KCNK10: variants seen among roughly 807,000 people sequenced by gnomAD.
KCNK10 encodes potassium two pore domain channel subfamily K member 10.
In KCNK10, 25 loss-of-function variants were observed where a neutral mutation model predicts 47.7. The ratio of observed to expected loss-of-function variants is 0.52; its 90% CI spans 0.38 to 0.73. The LOEUF is 0.73. Among genes scored for constraint, KCNK10 ranks in the 30% least tolerant of loss-of-function variants. The pLI is 0.00. For synonymous variants in KCNK10, 303 were observed against 285.6 expected, an observed-to-expected ratio of 1.06 and a Z score of -0.61; for missense variants, 563 against 714.5, an observed-to-expected ratio of 0.79 and a Z score of 2.42.
intron 1 of KCNK10, among the ~76,000 whole-genome samples, chr14:88,316,037 A>T (rs1293703247): frequency 6.6e-6 from 1 of 152,158 alleles, no homozygotes; most frequent in Admixed American, 6.5e-5. Flanking sequence ...CTTCCATGGA[A>T]AGGGTAAGTG....
At chr14:88,252,789 G>T (rs1370806217) in intron 2 of KCNK10, among the ~76,000 whole-genome samples, 5 of 152,194 alleles carry the variant, frequency 3.3e-5, no homozygotes. Context: ...GCCTTGTCAT[G>T]CAGGCTCTCT....
At chr14:88,196,113 C>T (rs1350029144) in intron 4 of KCNK10, among the ~76,000 whole-genome samples, 1 of 152,214 alleles carries the variant, frequency 6.6e-6, no homozygotes, top group Admixed American at 6.5e-5. Context: ...ATTGGTTAGA[C>T]TAGAGCGCAT....
intron 3 of KCNK10, among the ~76,000 whole-genome samples, chr14:88,239,530 A>G (rs982085920): frequency 2.0e-5 from 3 of 152,216 alleles, no homozygotes; most frequent in African/African-American, 7.2e-5. Flanking sequence ...TAACGAATAG[A>G]ACACTAAAAT....
chr14:88,269,476 C>T (rs1203633647), intron 1 of KCNK10, among the ~76,000 whole-genome samples: 1 of 152,218 alleles, frequency 6.6e-6, no homozygotes, highest in Non-Finnish European at 1.5e-5. Context: ...CTTGCTCTGT[C>T]ACTCAGGCTG....
At chr14:88,276,673 G>A (rs1210100370) in intron 1 of KCNK10, among the ~76,000 whole-genome samples, 4 of 152,150 alleles carry the variant, frequency 2.6e-5, no homozygotes, top group Non-Finnish European at 5.9e-5. Context: ...GGAGCTACCT[G>A]GAAATATCCC....
chr14:88,227,282 C>A, intron 4 of KCNK10, 93 bp downstream of exon 4: 2 of 1,012,004 alleles, frequency 2.0e-6, no homozygotes, highest in African/African-American at 1.6e-5. Flanking sequence ...CCATTAAAAG[C>A]AGACAATGCC....
intron 3 of KCNK10, among the ~76,000 whole-genome samples, chr14:88,240,065 C>A (rs1326985439): frequency 6.6e-6 from 1 of 152,066 alleles, no homozygotes; most frequent in African/African-American, 2.4e-5. Context: ...TAGTCAAAAT[C>A]ATGCAGATGT....
At chr14:88,227,934 C>T (rs1886038745) in intron 3 of KCNK10, among the ~76,000 whole-genome samples, 1 of 152,192 alleles carries the variant, frequency 6.6e-6, no homozygotes, top group Non-Finnish European at 1.5e-5. Flanking sequence ...CACAGTCTTA[C>T]CCATGGGCTC....
intron 4 of KCNK10, among the ~76,000 whole-genome samples, chr14:88,193,594 A>T: frequency 6.6e-6 from 1 of 152,284 alleles, no homozygotes; most frequent in East Asian, 1.9e-4. Flanking sequence ...CGTACACCAC[A>T]TTTGGGGCAA....
At chr14:88,306,153 A>G (rs1330413562) in intron 1 of KCNK10, among the ~76,000 whole-genome samples, 1 of 152,248 alleles carries the variant, frequency 6.6e-6, no homozygotes, top group Non-Finnish European at 1.5e-5. Flanking sequence ...TGCTGCTGAA[A>G]GTCTTACATA....
chr14:88,270,012 G>T (rs1887363157), intron 1 of KCNK10, among the ~76,000 whole-genome samples: 1 of 152,128 alleles, frequency 6.6e-6, no homozygotes, highest in Admixed American at 6.5e-5. Flanking sequence ...ACAGCAGCGT[G>T]ACTCTGCTAC....
intron 1 of KCNK10, among the ~76,000 whole-genome samples, chr14:88,285,420 T>C (rs1345089298): frequency 6.6e-6 from 1 of 152,136 alleles, no homozygotes; most frequent in Non-Finnish European, 1.5e-5. Context: ...CCTGAATAAG[T>C]TTTATTTTAA....
chr14:88,250,086 T>C (rs770109675), intron 2 of KCNK10, among the ~76,000 whole-genome samples: 6 of 152,154 alleles, frequency 3.9e-5, no homozygotes, highest in Non-Finnish European at 7.3e-5. Flanking sequence ...ACAGGAGCAT[T>C]CACTTCTGGG....
intron 1 of KCNK10, among the ~76,000 whole-genome samples, chr14:88,293,779 G>A (rs1008309258): frequency 2.0e-5 from 3 of 151,822 alleles, no homozygotes; most frequent in Non-Finnish European, 2.9e-5. Flanking sequence ...GGGCTGAAGC[G>A]ATCCTCCTAC....
chr14:88,323,523 G>A (rs991602521), upstream of KCNK10: 2 of 150,638 alleles, frequency 1.3e-5, no homozygotes, highest in African/African-American at 4.9e-5. Flanking sequence ...CTGAGCCCCC[G>A]GCACCCGGCT....
chr14:88,312,277 A>G (rs2139801159), intron 1 of KCNK10, among the ~76,000 whole-genome samples: 1 of 152,250 alleles, frequency 6.6e-6, no homozygotes, highest in African/African-American at 2.4e-5. Flanking sequence ...CTTCCTGGAA[A>G]TCATTTTCTC....
In KCNK10 at chr14:88,185,271, C is replaced by A; in HGVS notation, c.*264G>T. ...GGGGTACAGCACTGCCACTGAAATG[C>A]CCTTAACATGTACGGCCAGAACCGG... is the stretch of plus-strand genomic sequence containing the variant. On this transcript the variant is annotated 3_prime_UTR_variant, in exon 7 of 7. Coordinates refer to ENST00000319231, the MANE Select transcript of KCNK10 (RefSeq NM_138317.3). This position sits in a 1 kb window ranked among gnomAD's most constrained non-coding sequence, Gnocchi z 4.3. The A allele has an allele frequency of 2.2e-6, 1 of 448,078 alleles. No individual in the cohort carries two copies. The highest frequency in any genetic ancestry group is 4.0e-6 in the Non-Finnish European group (1 of 249,954). The allele number at this position is 448,078 out of a possible 1,614,324, so 27.8% of individuals were successfully genotyped here. A position where few individuals can be genotyped will look rare whatever the true frequency, so the allele number is the denominator to read the frequency against.
rs770691779 is a variant in KCNK10, at chr14:88,227,376, C to T, written c.680G>A (p.Arg227Gln). Residue 227 changes from arginine to glutamine, a missense_variant and splice_region_variant, in exon 4 of 7, where the codon CGA becomes CAA. Arg to Gln is a conservative substitution (Grantham distance 43). Coordinates refer to ENST00000319231, the MANE Select transcript of KCNK10 (RefSeq NM_138317.3). ...ATTTAAATATGACACAGTACTCACT[C>T]GAAAGACCTTCTCCACTCTTGCAAT... ...KSIARVEKVFRKKQVSQTKIR... is the reference protein window; with the variant it reads ...KSIARVEKVFQKKQVSQTKIR... 18 of 1,607,532 alleles carry T rather than the reference C, an allele frequency of 1.1e-5. 1 individual carries two copies. In the South Asian group the frequency reaches 1.5e-4, roughly 13 times the overall value.
intron 4 of KCNK10, among the ~76,000 whole-genome samples, chr14:88,214,769 G>C (rs1361505774): frequency 1.3e-5 from 2 of 152,184 alleles, no homozygotes; most frequent in Non-Finnish European, 2.9e-5. Flanking sequence ...CACTGAGAGA[G>C]AGCATGAAGT....
Sources: gnomAD v4.1 joint callset for allele counts (sites outside exome capture counted in the v4.1 genomes callset) on GRCh38, gnomAD v4.1.1 for gene constraint, Gnocchi (gnomAD v3.1) non-coding constraint, MANE v1.5 for transcripts, NCBI Gene and HGNC (gene_info 2026-07-23, HGNC 2026-07-21) for gene names.